The following GPR162 variants were observed in gnomAD, a reference collection of about 807,000 sequenced individuals.
The protein encoded by GPR162 is G protein-coupled receptor 162, also known as probable G protein-coupled receptor 162.
Under a neutral mutation model 44.9 loss-of-function variants are expected in GPR162, and 26 were observed. The observed-to-expected ratio is 0.58, with a 90% CI of 0.42 to 0.80. GPR162 has a LOEUF of 0.80. GPR162 is among the 30% of genes least tolerant of loss of function. GPR162 has a pLI of 0.00. For synonymous variants in GPR162, 363 were observed against 335.2 expected, an observed-to-expected ratio of 1.08 and a Z score of -0.91; for missense variants, 704 against 802.3, an observed-to-expected ratio of 0.88 and a Z score of 1.48.
intron 2 of GPR162, chr12:6,825,050 C>T (rs569333997): frequency 4.1e-5 from 26 of 631,700 alleles, no homozygotes; most frequent in Middle Eastern, 2.5e-4. Context: ...CCTCCAGCTC[C>T]GTCATCCATC....
rs782379612 is a variant in GPR162 at position 6,825,487 on chromosome 12, G to T, written c.871G>T (p.Val291Leu). 6.2e-7 allele frequency: 1 copy of T among 1,604,676 alleles called. No individual in the cohort carries two copies. The highest frequency in any genetic ancestry group is 8.5e-7 in the Non-Finnish European group (1 of 1,176,114). The change falls in exon 3 of 5, where the codon GTG becomes TTG. Residue 291 changes from valine to leucine, a missense_variant. Coordinates refer to ENST00000311268, the MANE Select transcript of GPR162 (RefSeq NM_019858.2). ...DSLTGVPILV[V>L]SFFSLKSDSA... Reference sequence around the variant, plus strand: ...GCCCGCTCCCACCCTTCCCCAGGTGGTGAGCTTCTTCTCCCTCAAGTCGGA... The same window carrying T: ...GCCCGCTCCCACCCTTCCCCAGGTGTTGAGCTTCTTCTCCCTCAAGTCGGA...
rs781952852 is a variant in GPR162, at chr12:6,827,237, A to G, written c.*33A>G. On this transcript the variant is annotated 3_prime_UTR_variant, in exon 5 of 5. Coordinates refer to ENST00000311268, the MANE Select transcript of GPR162 (RefSeq NM_019858.2). ...CAGGCCTGCTGAACTCAGAGGAGAA[A>G]GCCTGAGTGAGTAACACCTCATTCT... 1 of 1,505,636 alleles carries G rather than the reference A, an allele frequency of 6.6e-7. No homozygotes were observed. The highest frequency in any genetic ancestry group is 1.4e-5 in the African/African-American group (1 of 72,010). The allele number at this position is 1,505,636 out of a possible 1,614,324, so 93.3% of individuals were successfully genotyped here.
At chr12:6,825,769 C>A in intron 3 of GPR162, 96 bp downstream of exon 3, 1 of 1,094,156 alleles carries the variant, frequency 9.1e-7, no homozygotes, top group Non-Finnish European at 1.3e-6. Context: ...CCCTGGAGTG[C>A]CCCCTACTGG....
In GPR162 at chr12:6,824,165, C is replaced by A; in HGVS notation, c.267C>A (p.Ile89=). 6.2e-7 allele frequency: 1 copy of A among 1,613,984 alleles called. No homozygotes were observed. The highest frequency in any genetic ancestry group is 2.2e-5 in the East Asian group (1 of 44,894). Residue 89 remains isoleucine, a synonymous_variant, in exon 2 of 5, where the codon ATC becomes ATA. Transcript: ENST00000311268. ...CCGACTATGACTGGAACGAGAGTAT[C>A]TGCAAGGTCTTCGTGTCCACCTACT... ...ASSDYDWNES[I]CKVFVSTYYT...
Position 6,824,379 on chromosome 12 carries a change from G to A in GPR162, c.481G>A (p.Glu161Lys), listed in dbSNP as rs782618462. The A allele has an allele frequency of 2.5e-6, 4 of 1,614,170 alleles. No homozygotes were observed. The highest frequency in any genetic ancestry group is 2.5e-6 in the Non-Finnish European group (3 of 1,180,036). Residue 161 changes from glutamate (E) to lysine (K), a missense_variant, in exon 2 of 5, where the codon GAG becomes AAG. Glu to Lys is a moderately conservative substitution (Grantham distance 56). Around this residue, in one of 6 missense-constraint regions of GPR162, gnomAD observed 110 missense variants for 206.2 expected, o/e 0.53. Coordinates refer to ENST00000311268, the MANE Select transcript of GPR162 (RefSeq NM_019858.2). Reference protein sequence around the residue: ...LPSIGWHNNGERYYARGCQFI... With the variant: ...LPSIGWHNNGKRYYARGCQFI... ...CTCCATTGGCTGGCACAACAACGGCGAGCGCTACTATGCCCGCGGCTGCCA... is the reference window on the plus strand; with the variant it reads ...CTCCATTGGCTGGCACAACAACGGCAAGCGCTACTATGCCCGCGGCTGCCA...
At chr12:6,825,971 T>C (rs117449991) in intron 3 of GPR162, among the ~76,000 whole-genome samples, 2,720 of 152,298 alleles carry the variant, frequency 0.018, 50 homozygotes, top group Middle Eastern at 0.068. Flanking sequence ...GGGACGGCTC[T>C]TGGGGGAGTG....
Position 6,824,377 on chromosome 12 carries a change from G to C in GPR162, c.479G>C (p.Gly160Ala). 6.2e-7 allele frequency: 1 copy of C among 1,614,172 alleles called. No individual in the cohort carries two copies. The highest frequency in any genetic ancestry group is 8.5e-7 in the Non-Finnish European group (1 of 1,180,036). ...TLPSIGWHNNGERYYARGCQF... is the reference protein window; with the variant it reads ...TLPSIGWHNNAERYYARGCQF... ...CCCTCCATTGGCTGGCACAACAACGGCGAGCGCTACTATGCCCGCGGCTGC... is the reference window on the plus strand; with the variant it reads ...CCCTCCATTGGCTGGCACAACAACGCCGAGCGCTACTATGCCCGCGGCTGC... The change falls in exon 2 of 5, where the codon GGC becomes GCC. Residue 160 changes from glycine (G) to alanine (A), a missense_variant. Physicochemically the swap from Gly to Ala is moderately conservative, Grantham distance 60. Around this residue, in one of 6 missense-constraint regions of GPR162, gnomAD observed 110 missense variants for 206.2 expected, o/e 0.53. Transcript: ENST00000311268.
Position 6,822,077 on chromosome 12 carries a change from AG to A in GPR162, c.-432+180del, listed in dbSNP as rs1323780798. Among the ~76,000 whole-genome samples the A allele has an allele frequency of 2.0e-5, 3 of 152,130 alleles. No homozygotes were observed. The highest frequency in any genetic ancestry group is 4.4e-5 in the Non-Finnish European group (3 of 68,008). On this transcript the variant is annotated intron_variant, in intron 1 of 4. Coordinates refer to ENST00000311268, the MANE Select transcript of GPR162 (RefSeq NM_019858.2). The surrounding 1 kb of genome is among the most constrained non-coding windows in gnomAD (Gnocchi z 4.2). The stretch of plus-strand genomic sequence containing the variant: ...CCTTACCCCTTCACCCCAAAGGGCG[AG>A]GGACCCCGTCGGCCAGGGAACCTCC...
Position 6,826,727 on chromosome 12 carries a change from G to A in GPR162, c.1290G>A (p.Leu430=). Residue 430 remains leucine (L), a synonymous_variant, in exon 5 of 5, where the codon CTG becomes CTA. Transcript: ENST00000311268. ...CCCCTCGGGAACCAGGCTCCTTCCT[G>A]CACAAGTGGTCATCCTCTGATGACA... ...FSTPREPGSF[L]HKWSSSDDIR... 1 of 1,579,518 alleles carries A rather than the reference G, an allele frequency of 6.3e-7. No homozygotes were observed. Among genetic ancestry groups the A allele is most frequent in the South Asian group, 1.2e-5 (1 of 85,750 alleles).
In GPR162 at chr12:6,827,063, C is replaced by T. The variant is rs981587864; in HGVS notation, c.1626C>T (p.Ser542=). The T allele has an allele frequency of 1.2e-6, 2 of 1,613,342 alleles. No homozygotes were observed. The highest frequency in any genetic ancestry group is 2.7e-5 in the African/African-American group (2 of 74,944). ...CACCCCGCCGACTCTCCCTTGGGTC[C>T]CCTGAGAGCAGAGCCGTTGGACTTC... ...GLSPRRLSLG[S]PESRAVGLPL... Residue 542 remains serine, a synonymous_variant, in exon 5 of 5, where the codon TCC becomes TCT. Transcript: ENST00000311268.
rs2071081 is a variant in GPR162, at chr12:6,826,466, A to G, written c.1215+113A>G. The stretch of plus-strand genomic sequence containing the variant: ...CTAGCCCTGGCTTTCAGGGCACCAT[A>G]GAGCTGGGTGAAAGAAAGCTATAGC... On this transcript the variant is annotated intron_variant, in intron 4 of 4. Coordinates refer to ENST00000311268, the MANE Select transcript of GPR162 (RefSeq NM_019858.2). The G allele has an allele frequency of 7.6e-6, 9 of 1,179,222 alleles. No individual in the cohort carries two copies. The East Asian group carries it at 1.2e-4, about 16-fold the overall frequency. The allele number at this position is 1,179,222 out of a possible 1,614,324, so 73.0% of individuals were successfully genotyped here. A position where few individuals can be genotyped will look rare whatever the true frequency, so the allele number is the denominator to read the frequency against.
rs1454881599 is a variant in GPR162, at chr12:6,822,473, A to G, written c.-432+573A>G. Among the ~76,000 whole-genome samples, 2 of 151,824 alleles carry G rather than the reference A, an allele frequency of 1.3e-5. No homozygotes were observed. Among genetic ancestry groups the G allele is most frequent in the African/African-American group, 4.8e-5 (2 of 41,370 alleles). ...GCTGTGCCCCATTTTTACCCCACTT[A>G]CCCTAAAGCCATTATGTGCTTCCTT... On this transcript the variant is annotated intron_variant, in intron 1 of 4. Coordinates refer to ENST00000311268, the MANE Select transcript of GPR162 (RefSeq NM_019858.2). This position sits in a 1 kb window ranked among gnomAD's most constrained non-coding sequence, Gnocchi z 4.2.
Position 6,823,855 on chromosome 12 carries a change from C to T in GPR162, c.-44C>T. On this transcript the variant is annotated 5_prime_UTR_variant, in exon 2 of 5. Coordinates refer to ENST00000311268, the MANE Select transcript of GPR162 (RefSeq NM_019858.2). The stretch of plus-strand genomic sequence containing the variant: ...GTGGGGCTCCTGGGTGAGACCTAGC[C>T]CCCACCCCCACAGAGCTCAAGGGGG... The T allele has an allele frequency of 6.3e-7, 1 of 1,582,436 alleles. No individual in the cohort carries two copies. The highest frequency in any genetic ancestry group is 1.1e-5 in the South Asian group (1 of 87,542).
rs1943353550 is a variant in GPR162 at position 6,826,248 on chromosome 12, T to C, written c.1110T>C (p.Asp370=). Residue 370 remains aspartate (D), a synonymous_variant, in exon 4 of 5, where the codon GAT becomes GAC. Transcript: ENST00000311268. The part of the protein sequence containing the change: ...AEGRVCKVRF[D]ANGATGPGSR... ...GCCGAGTTTGCAAAGTTCGCTTTGATGCTAACGGAGCCACAGGACCAGGGA... is the reference window on the plus strand; with the variant it reads ...GCCGAGTTTGCAAAGTTCGCTTTGACGCTAACGGAGCCACAGGACCAGGGA... The C allele has an allele frequency of 2.5e-6, 4 of 1,614,060 alleles. No homozygotes were observed. The highest frequency in any genetic ancestry group is 3.3e-4 in the Middle Eastern group (2 of 6,062).
chr12:6,822,682 T>C lies in GPR162; in HGVS notation c.-432+782T>C, dbSNP rs1354457958. Among the ~76,000 whole-genome samples, 3 of 152,164 alleles carry C rather than the reference T, an allele frequency of 2.0e-5. No homozygotes were observed. The highest frequency in any genetic ancestry group is 4.4e-5 in the Non-Finnish European group (3 of 67,996). On this transcript the variant is annotated intron_variant, in intron 1 of 4. Coordinates refer to ENST00000311268, the MANE Select transcript of GPR162 (RefSeq NM_019858.2). This position sits in a 1 kb window ranked among gnomAD's most constrained non-coding sequence, Gnocchi z 4.2. ...GGGGAGTCAGCACCTTATTGAACAT[T>C]TGGCTTTTCTTCTCAGCCTCCTATT... is the stretch of plus-strand genomic sequence containing the variant.
At position 6,822,766 on chromosome 12, in the gene GPR162, A is replaced by G. The variant is rs1396427487; in HGVS notation, c.-431-702A>G. 7.9e-6 allele frequency among the ~76,000 whole-genome samples: 1 copy of G among 126,328 alleles called. No homozygotes were observed. The highest frequency in any genetic ancestry group is 2.5e-4 in the East Asian group (1 of 3,930). 82.9% of individuals were successfully genotyped at this position (126,328 alleles called of 152,430 possible). On this transcript the variant is annotated intron_variant, in intron 1 of 4. Transcript: ENST00000311268. The surrounding 1 kb of genome is among the most constrained non-coding windows in gnomAD (Gnocchi z 4.2). ...CTCCTCCCTCCAAAGCCTCCTCTCC[A>G]GGGGGTTTGAGCTTTTCCTGCTATT...
rs752419616 is a variant in GPR162 at position 6,827,302 on chromosome 12, C to T, written c.*98C>T. The stretch of plus-strand genomic sequence containing the variant: ...CAGCTGCCTCCAGACTCTGGGGAGA[C>T]GGGCGCTAGATTTGGGGCTCAGAAG... On this transcript the variant is annotated 3_prime_UTR_variant, in exon 5 of 5. Coordinates refer to ENST00000311268, the MANE Select transcript of GPR162 (RefSeq NM_019858.2). The T allele has an allele frequency of 6.0e-4, 611 of 1,025,218 alleles. 3 individuals are homozygous for T. The highest frequency in any genetic ancestry group is 4.2e-4 in the Non-Finnish European group (301 of 713,186). The allele number at this position is 1,025,218 out of a possible 1,614,324, so 63.5% of individuals were successfully genotyped here.
rs781975870 is a variant in GPR162 at position 6,824,659 on chromosome 12, G to A, written c.761G>A (p.Arg254Gln). The A allele has an allele frequency of 2.5e-6, 4 of 1,613,950 alleles. No homozygotes were observed. Among genetic ancestry groups the A allele is most frequent in the Admixed American group, 1.7e-5 (1 of 60,016 alleles). Reference protein sequence around the residue: ...IVVEDARGKRRSSLDGSESAK... With the variant: ...IVVEDARGKRQSSLDGSESAK... ...GTGGAGGATGCCCGAGGGAAGCGGC[G>A]GTCCTCGCTGGATGGCTCGGAGTCT... Residue 254 changes from arginine to glutamine, a missense_variant, in exon 2 of 5, where the codon CGG becomes CAG. By Grantham distance (43) the Arg-to-Gln change is conservative. This residue lies in a region of GPR162 where 92 missense variants were observed against 156.5 expected (regional missense o/e 0.59). Transcript: ENST00000311268.
Position 6,826,222 on chromosome 12 carries a change from G to C in GPR162, c.1084G>C (p.Gly362Arg). Reference protein sequence around the residue: ...DDGGCDDYAEGRVCKVRFDAN... With the variant: ...DDGGCDDYAERRVCKVRFDAN... ...TGGGGGCTGTGACGACTATGCAGAG[G>C]GCCGAGTTTGCAAAGTTCGCTTTGA... Residue 362 changes from glycine (G) to arginine (R), a missense_variant, in exon 4 of 5, where the codon GGC becomes CGC. Gly to Arg is a moderately radical substitution (Grantham distance 125). Coordinates refer to ENST00000311268, the MANE Select transcript of GPR162 (RefSeq NM_019858.2). The C allele has an allele frequency of 6.2e-7, 1 of 1,614,014 alleles. No individual in the cohort carries two copies. Among genetic ancestry groups the C allele is most frequent in the East Asian group, 2.2e-5 (1 of 44,880 alleles).
Sources: gnomAD v4.1 joint callset for allele counts (sites outside exome capture counted in the v4.1 genomes callset) on GRCh38, gnomAD v4.1.1 for gene constraint, gnomAD v4.1.1 regional missense constraint, Gnocchi (gnomAD v3.1) non-coding constraint, MANE v1.5 for transcripts, NCBI Gene and HGNC (gene_info 2026-07-23, HGNC 2026-07-21) for gene names.